The following SGCZ variants were observed in gnomAD, a reference collection of about 807,000 sequenced individuals.
SGCZ encodes sarcoglycan zeta.
SGCZ carries 40 observed loss-of-function variants against 41.3 expected under a neutral mutation model. The observed-to-expected ratio is 0.97, with a 90% CI of 0.75 to 1.26. The LOEUF (loss-of-function observed/expected upper bound fraction) is 1.26. Among genes scored for constraint, SGCZ ranks in the 50% most tolerant of loss-of-function variants. SGCZ has a pLI of 0.00. For synonymous variants in SGCZ, 206 were observed against 137.5 expected, an observed-to-expected ratio of 1.50 and a Z score of -3.49; for missense variants, 552 against 369.8, an observed-to-expected ratio of 1.49 and a Z score of -4.04.
In SGCZ at chr8:15,119,784, T is replaced by A. The variant is rs560900580; in HGVS notation, c.39+117801A>T. Among the ~76,000 whole-genome samples, 10 of 152,272 alleles carry A rather than the reference T, an allele frequency of 6.6e-5. 1 individual carries two copies. The South Asian group carries it at 1.7e-3, about 25-fold the overall frequency. ...CTACCACGCTCTTATATTCTCTCCATCTGGCCCTAACACTTCTCAATTCCA... is the reference window on the plus strand; with the variant it reads ...CTACCACGCTCTTATATTCTCTCCAACTGGCCCTAACACTTCTCAATTCCA... On this transcript the variant is annotated intron_variant, in intron 1 of 7. Coordinates refer to ENST00000382080, the MANE Select transcript of SGCZ (RefSeq NM_139167.4).
chr8:14,433,046 A>G (rs575133925), intron 2 of SGCZ, among the ~76,000 whole-genome samples: 1 of 152,276 alleles, frequency 6.6e-6, no homozygotes, highest in African/African-American at 2.4e-5. Context: ...AATGAAAAGC[A>G]AACAACAAAC....
At chr8:14,540,600 T>C (rs1803436152) in intron 2 of SGCZ, among the ~76,000 whole-genome samples, 1 of 151,948 alleles carries the variant, frequency 6.6e-6, no homozygotes, top group African/African-American at 2.4e-5. Context: ...TATATTTTAG[T>C]GTATGCAACT....
chr8:14,241,542 CT>C (rs5889524), intron 3 of SGCZ, among the ~76,000 whole-genome samples: 9 of 147,786 alleles, frequency 6.1e-5, no homozygotes, highest in Admixed American at 1.4e-4. Context: ...ACATAAATAT[CT>C]TTTTTTTTTG....
intron 2 of SGCZ, among the ~76,000 whole-genome samples, chr8:14,539,192 A>G (rs1481259844): frequency 6.6e-6 from 1 of 151,996 alleles, no homozygotes; most frequent in Non-Finnish European, 1.5e-5. Flanking sequence ...AAAGCATCGT[A>G]TCTTCCCTGG....
At chr8:14,492,451 T>C (rs563058930) in intron 2 of SGCZ, among the ~76,000 whole-genome samples, 4 of 152,212 alleles carry the variant, frequency 2.6e-5, no homozygotes, top group African/African-American at 4.8e-5. Context: ...ATAAAATTGG[T>C]GAACTGCTTC....
intron 2 of SGCZ, among the ~76,000 whole-genome samples, chr8:14,381,381 A>C (rs1418525526): frequency 6.6e-6 from 1 of 152,188 alleles, no homozygotes; most frequent in African/African-American, 2.4e-5. Flanking sequence ...GATATTAATA[A>C]TGGGGTGTCA....
intron 4 of SGCZ, among the ~76,000 whole-genome samples, chr8:14,202,374 C>A (rs754101227): frequency 1.6e-4 from 24 of 152,118 alleles, no homozygotes; most frequent in Non-Finnish European, 3.1e-4. Flanking sequence ...TAGATTCTGA[C>A]TCTCAGAATT....
chr8:14,445,713 A>G lies in SGCZ; in HGVS notation c.234+109019T>C, dbSNP rs1033017584. Among the ~76,000 whole-genome samples the G allele has an allele frequency of 1.2e-4, 18 of 152,244 alleles. No homozygotes were observed. The South Asian group carries it at 1.2e-3, about 11-fold the overall frequency. Reference sequence around the variant, plus strand: ...AAAAATGCTATCACACCAACTATTCATGGTCACTGGCAGAGGGCAGCCTCC... The same window carrying G: ...AAAAATGCTATCACACCAACTATTCGTGGTCACTGGCAGAGGGCAGCCTCC... On this transcript the variant is annotated intron_variant, in intron 2 of 7. Transcript: ENST00000382080.
intron 1 of SGCZ, among the ~76,000 whole-genome samples, chr8:14,799,321 G>A (rs146606490): frequency 3.9e-5 from 6 of 152,020 alleles, no homozygotes; most frequent in African/African-American, 1.4e-4. Flanking sequence ...CAAAAAGTTG[G>A]ATGCATTTTG....
intron 5 of SGCZ, among the ~76,000 whole-genome samples, chr8:14,137,624 A>C (rs1023520140): frequency 6.6e-6 from 1 of 152,222 alleles, no homozygotes; most frequent in Non-Finnish European, 1.5e-5. Context: ...AGAGAAGTTT[A>C]GAGAAAAAAA....
chr8:14,191,912 T>C (rs1563177260), intron 4 of SGCZ, among the ~76,000 whole-genome samples: 1 of 150,620 alleles, frequency 6.6e-6, no homozygotes, highest in African/African-American at 2.4e-5. Flanking sequence ...AAATTTTATC[T>C]AAAAAAAAAG....
At chr8:14,831,671 T>C (rs1415501232) in intron 1 of SGCZ, among the ~76,000 whole-genome samples, 2 of 151,640 alleles carry the variant, frequency 1.3e-5, no homozygotes, top group African/African-American at 4.9e-5. Flanking sequence ...CATACACTTG[T>C]CTCAGTATAC....
intron 1 of SGCZ, among the ~76,000 whole-genome samples, chr8:14,814,704 G>A (rs1168229653): frequency 6.6e-6 from 1 of 152,070 alleles, no homozygotes; most frequent in Admixed American, 6.5e-5. Context: ...TTTTTTGTTT[G>A]TTTCTTGAGT....
intron 1 of SGCZ, among the ~76,000 whole-genome samples, chr8:14,612,049 G>C (rs976994333): frequency 2.0e-5 from 3 of 152,176 alleles, no homozygotes; most frequent in Non-Finnish European, 2.9e-5. Context: ...TTTAGCATTT[G>C]TCCTTCAAAT....
At chr8:14,149,563 G>T (rs560139815) in intron 5 of SGCZ, among the ~76,000 whole-genome samples, 1 of 150,744 alleles carries the variant, frequency 6.6e-6, no homozygotes, top group Non-Finnish European at 1.5e-5. Flanking sequence ...ATATGGATCG[G>T]AAGAATCAAT....
At chr8:15,140,987 A>C (rs567768245) in intron 1 of SGCZ, among the ~76,000 whole-genome samples, 10 of 152,364 alleles carry the variant, frequency 6.6e-5, no homozygotes, top group African/African-American at 2.4e-4. Flanking sequence ...TTACTTAAGC[A>C]ATGAGGAAAC....
At chr8:14,851,186 AGT>A (rs1186301607) in intron 1 of SGCZ, among the ~76,000 whole-genome samples, 1 of 151,854 alleles carries the variant, frequency 6.6e-6, no homozygotes, top group African/African-American at 2.4e-5. Flanking sequence ...TGGCTAACAT[AGT>A]GAAACGCTGT....
At chr8:14,923,368 T>C (rs759036158) in intron 1 of SGCZ, among the ~76,000 whole-genome samples, 1 of 152,160 alleles carries the variant, frequency 6.6e-6, no homozygotes, top group Non-Finnish European at 1.5e-5. Context: ...TTCCTTAATA[T>C]TCAGAGAATA....
At chr8:14,518,185 G>A (rs960665750) in intron 2 of SGCZ, among the ~76,000 whole-genome samples, 5 of 151,646 alleles carry the variant, frequency 3.3e-5, no homozygotes, top group Non-Finnish European at 5.9e-5. Flanking sequence ...AAAATACTTC[G>A]TAAGGGAAGA....
Sources: allele counts gnomAD v4.1 joint callset (sites outside exome capture counted in the v4.1 genomes callset), GRCh38; gene constraint gnomAD v4.1.1; transcripts MANE v1.5; gene names NCBI Gene and HGNC (gene_info 2026-07-23, HGNC 2026-07-21).